SNUPN: variants seen among roughly 807,000 people sequenced by gnomAD.
The protein encoded by SNUPN is snurportin 1.
Under a neutral mutation model 39.2 loss-of-function variants are expected in SNUPN, and 31 were observed. That is an observed-to-expected ratio of 0.79 (90% CI 0.59 to 1.07). The LOEUF is 1.07. Among genes scored for constraint, SNUPN ranks in the 50% least tolerant of loss-of-function variants. The pLI is 0.00. For synonymous variants in SNUPN, 132 were observed against 159.0 expected (o/e 0.83, Z 1.28); for missense variants, 382 against 434.2 (o/e 0.88, Z 1.07).
rs186897986 is a variant in SNUPN at position 75,602,746 on chromosome 15, T to C, written c.679-1528A>G. Among the ~76,000 whole-genome samples, 336 of 151,802 alleles carry C rather than the reference T, an allele frequency of 2.2e-3. 3 individuals are homozygous for C. The highest frequency in any genetic ancestry group is 7.8e-3 in the African/African-American group (323 of 41,460). ...TCAGCCTCTCAAGTAGCTGGAACTA[T>C]AGGTGCACGCCACCATGCCTAATCT... On this transcript the variant is annotated intron_variant, in intron 7 of 8. Coordinates refer to ENST00000308588, the MANE Select transcript of SNUPN (RefSeq NM_005701.4).
At chr15:75,609,765 T>G (rs1177972525) in intron 4 of SNUPN, 114 bp from the exon 5 acceptor site, 3 of 1,135,930 alleles carry the variant, frequency 2.6e-6, no homozygotes, top group Non-Finnish European at 3.9e-6. Flanking sequence ...CAAACCTTCC[T>G]GCAGGAAAGT....
rs1595981001 is a variant in SNUPN, at chr15:75,601,189, A to C, written c.708T>G (p.Pro236=). 1 of 1,613,672 alleles carries C rather than the reference A, an allele frequency of 6.2e-7. No homozygotes were observed. The highest frequency in any genetic ancestry group is 8.5e-7 in the Non-Finnish European group (1 of 1,179,650). Residue 236 remains proline (P), a synonymous_variant, in exon 8 of 9, where the codon CCT becomes CCG. Coordinates refer to ENST00000308588, the MANE Select transcript of SNUPN (RefSeq NM_005701.4). Reference sequence around the variant, plus strand: ...CATCACACAGGCTTTCGGGAGTGCAAGGGAAGTTCTTTAGCCCCACAAATT... The same window carrying C: ...CATCACACAGGCTTTCGGGAGTGCACGGGAAGTTCTTTAGCCCCACAAATT... The part of the protein sequence containing the change: ...PFKFVGLKNF[P]CTPESLCDVL...
chr15:75,619,777 C>T (rs1235743596), intron 2 of SNUPN, among the ~76,000 whole-genome samples: 1 of 152,038 alleles, frequency 6.6e-6, no homozygotes, highest in African/African-American at 2.4e-5. Flanking sequence ...TTGAGAGAGT[C>T]TAGCTGTGTT....
chr15:75,609,861 A>C (rs772487502), intron 4 of SNUPN, 29 bp downstream of exon 4: 14 of 1,531,046 alleles, frequency 9.1e-6, no homozygotes, highest in Admixed American at 1.7e-5. Context: ...GACCAGGCCT[A>C]CTGGCATAGG....
intron 2 of SNUPN, among the ~76,000 whole-genome samples, chr15:75,618,478 C>T (rs893624446): frequency 6.6e-6 from 1 of 151,948 alleles, no homozygotes; most frequent in Non-Finnish European, 1.5e-5. Context: ...TTCCCTTTAT[C>T]GTTATCTTGT....
chr15:75,605,333 G>A lies in SNUPN; in HGVS notation c.601-106C>T, dbSNP rs758079313. 2.3e-4 allele frequency: 147 copies of A among 630,998 alleles called. 1 individual carries two copies. The highest frequency in any genetic ancestry group is 2.2e-3 in the South Asian group (114 of 52,124). 39.1% of individuals were successfully genotyped at this position (630,998 alleles called of 1,614,324 possible). ...TTTTTTTTTTTTTTTTTGAGATGGA[G>A]TGTTGCTCTGTCACCCAGGCTGGAG... On this transcript the variant is annotated intron_variant, in intron 6 of 8. Coordinates refer to ENST00000308588, the MANE Select transcript of SNUPN (RefSeq NM_005701.4).
intron 7 of SNUPN, among the ~76,000 whole-genome samples, chr15:75,602,156 C>A (rs1010248426): frequency 8.6e-5 from 13 of 150,710 alleles, no homozygotes; most frequent in Admixed American, 7.9e-4. Flanking sequence ...TGCAGTGGGC[C>A]GAGATTGTGC....
chr15:75,613,571 A>C (rs1892852950), intron 3 of SNUPN, among the ~76,000 whole-genome samples: 1 of 147,172 alleles, frequency 6.8e-6, no homozygotes, highest in African/African-American at 2.5e-5. Flanking sequence ...TGAACCTGGG[A>C]GGCAGAGGTT....
chr15:75,602,985 G>A (rs2075301070), intron 7 of SNUPN, among the ~76,000 whole-genome samples: 1 of 151,952 alleles, frequency 6.6e-6, no homozygotes, highest in Non-Finnish European at 1.5e-5. Flanking sequence ...CTGAGCTCAG[G>A]CAGTCCACCT....
At chr15:75,621,825 C>G (rs1339533069) in intron 1 of SNUPN, among the ~76,000 whole-genome samples, 1 of 147,288 alleles carries the variant, frequency 6.8e-6, no homozygotes. Context: ...ATCACAAGGT[C>G]AGGAGTTCGA....
rs117504261 is a variant in SNUPN at position 75,600,708 on chromosome 15, G to A, written c.759+430C>T. Reference sequence around the variant, plus strand: ...TCTTCTTTGGTGAGGAAAGGATTAGGGATTTGGACATTTGTTGGAGTCATT... The same window carrying A: ...TCTTCTTTGGTGAGGAAAGGATTAGAGATTTGGACATTTGTTGGAGTCATT... On this transcript the variant is annotated intron_variant, in intron 8 of 8. Transcript: ENST00000308588. 44 of 194,560 alleles carry A rather than the reference G, an allele frequency of 2.3e-4. No individual in the cohort carries two copies. In the East Asian group the frequency reaches 5.6e-3, roughly 25 times the overall value. 12.1% of individuals were successfully genotyped at this position (194,560 alleles called of 1,614,324 possible). A position where few individuals can be genotyped will look rare whatever the true frequency, so the allele number is the denominator to read the frequency against.
At chr15:75,607,677 T>C (rs530266802) in intron 5 of SNUPN, among the ~76,000 whole-genome samples, 1 of 152,358 alleles carries the variant, frequency 6.6e-6, no homozygotes, top group African/African-American at 2.4e-5. Context: ...CACTGTGTTA[T>C]GTGGGGAATA....
chr15:75,621,100 A>C (rs1314409465), intron 1 of SNUPN, 44 bp from the exon 2 acceptor site: 2 of 1,586,202 alleles, frequency 1.3e-6, no homozygotes, highest in African/African-American at 2.7e-5. Context: ...ATTTCATATC[A>C]TCTCCTGTAT....
At position 75,598,485 on chromosome 15, in the gene SNUPN, C is replaced by A. The variant is rs1446067261; in HGVS notation, c.956G>T (p.Gly319Val). Residue 319 changes from glycine (G) to valine (V), a missense_variant, in exon 9 of 9, where the codon GGC (glycine) becomes GTC (valine). Transcript: ENST00000308588. ...CTTGTGTGTGAGTTTCTCCTTCATG[C>A]CTTCCTTCTGGCTCTTCTTGTGCTC... ...IMEHKKSQKE[G>V]MKEKLTHKAS... 1.9e-6 allele frequency: 3 copies of A among 1,614,074 alleles called. No homozygotes were observed. The highest frequency in any genetic ancestry group is 4.5e-5 in the East Asian group (2 of 44,894).
chr15:75,623,223 CA>C (rs2141381029), intron 1 of SNUPN, among the ~76,000 whole-genome samples: 1 of 152,298 alleles, frequency 6.6e-6, no homozygotes, highest in Non-Finnish European at 1.5e-5. Context: ...TGGCTCACCA[CA>C]ACCTCCGCCT....
At chr15:75,606,118 C>A (rs2075329308) in intron 6 of SNUPN, among the ~76,000 whole-genome samples, 1 of 152,202 alleles carries the variant, frequency 6.6e-6, no homozygotes, top group Non-Finnish European at 1.5e-5. Flanking sequence ...GCACTCCAAC[C>A]TGGGCAACAG....
chr15:75,611,150 G>C (rs1191136034), intron 3 of SNUPN, among the ~76,000 whole-genome samples: 2 of 150,082 alleles, frequency 1.3e-5, no homozygotes, highest in Non-Finnish European at 3.0e-5. Context: ...CCTGGTGACA[G>C]AGTGAGACTT....
intron 3 of SNUPN, among the ~76,000 whole-genome samples, chr15:75,615,725 C>G (rs964612741): frequency 2.0e-5 from 3 of 151,680 alleles, no homozygotes; most frequent in Non-Finnish European, 2.9e-5. Context: ...CCTCAGCCTC[C>G]CAAGTAGCTG....
intron 7 of SNUPN, among the ~76,000 whole-genome samples, chr15:75,604,225 A>G (rs1183435860): frequency 1.3e-5 from 2 of 149,822 alleles, no homozygotes; most frequent in Non-Finnish European, 3.0e-5. Flanking sequence ...CAGTGGCACA[A>G]TCTTGGCTCA....
Sources: allele counts gnomAD v4.1 joint callset (sites outside exome capture counted in the v4.1 genomes callset), GRCh38; gene constraint gnomAD v4.1.1; transcripts MANE v1.5; gene names NCBI Gene and HGNC (gene_info 2026-07-23, HGNC 2026-07-21).